Variants in LRP1B observed in about 807,000 individuals in gnomAD.
The protein encoded by LRP1B is low-density lipoprotein receptor-related protein 1B.
A neutral mutation model predicts 556.6 loss-of-function variants in LRP1B; 217 were observed. The observed-to-expected ratio is 0.39, with a 90% CI of 0.35 to 0.44. The LOEUF (loss-of-function observed/expected upper bound fraction) is 0.44, where lower values mean the gene tolerates loss of function less well. LRP1B is among the 20% of genes least tolerant of loss of function. LRP1B has a pLI of 1.00. For synonymous variants in LRP1B, 2,047 were observed against 1,865.8 expected, an observed-to-expected ratio of 1.10 and a Z score of -2.50; for missense variants, 5,053 against 5,620.8, an observed-to-expected ratio of 0.90 and a Z score of 3.23.
chr2:141,343,020 G>C (rs760528041), intron 3 of LRP1B, among the ~76,000 whole-genome samples: 1 of 152,074 alleles, frequency 6.6e-6, no homozygotes, highest in Non-Finnish European at 1.5e-5. Flanking sequence ...ACTAACAGAG[G>C]GTCTCTCTGC....
chr2:141,065,555 T>A (rs1574037585), intron 7 of LRP1B, among the ~76,000 whole-genome samples: 1 of 152,036 alleles, frequency 6.6e-6, no homozygotes, highest in East Asian at 1.9e-4. Flanking sequence ...TAGATAAGGG[T>A]TGTTTTGAAG....
intron 12 of LRP1B, among the ~76,000 whole-genome samples, chr2:141,016,684 A>G (rs1697909984): frequency 6.6e-6 from 1 of 152,064 alleles, no homozygotes; most frequent in Non-Finnish European, 1.5e-5. Context: ...CTAATGTTCC[A>G]TTTGCCTCAT....
intron 1 of LRP1B, among the ~76,000 whole-genome samples, chr2:142,090,238 T>C (rs527986768): frequency 7.0e-4 from 106 of 152,258 alleles, no homozygotes; most frequent in Non-Finnish European, 1.2e-3. Flanking sequence ...AACATAATTA[T>C]GAGGCTTGGT....
intron 3 of LRP1B, among the ~76,000 whole-genome samples, chr2:141,288,117 C>T (rs1685790762): frequency 1.3e-5 from 2 of 151,898 alleles, no homozygotes; most frequent in South Asian, 4.2e-4. Flanking sequence ...CTTATATTTG[C>T]CAGATATATT....
At chr2:140,515,523 A>C (rs1689857475) in intron 50 of LRP1B, among the ~76,000 whole-genome samples, 1 of 152,060 alleles carries the variant, frequency 6.6e-6, no homozygotes, top group South Asian at 2.1e-4. Flanking sequence ...AAATCCTTCT[A>C]AATTAAGGTG....
intron 2 of LRP1B, among the ~76,000 whole-genome samples, chr2:141,639,302 G>GTGTGTA (rs1689223237): frequency 3.0e-5 from 1 of 33,004 alleles, no homozygotes; most frequent in African/African-American, 7.9e-5. Flanking sequence ...CGCATCATGT[G>GTGTGTA]TGTATATATA....
chr2:140,689,622 AT>A (rs1484334535), intron 41 of LRP1B, among the ~76,000 whole-genome samples: 1 of 152,196 alleles, frequency 6.6e-6, no homozygotes, highest in Non-Finnish European at 1.5e-5. Context: ...GTGATCTAAT[AT>A]TGGGACGCTA....
intron 41 of LRP1B, among the ~76,000 whole-genome samples, chr2:140,671,992 A>G (rs1226693381): frequency 6.6e-6 from 1 of 152,190 alleles, no homozygotes; most frequent in Non-Finnish European, 1.5e-5. Context: ...AATCTCATAA[A>G]GTCAAAAGTC....
intron 43 of LRP1B, among the ~76,000 whole-genome samples, chr2:140,552,140 T>C (rs1000742230): frequency 2.6e-5 from 4 of 152,150 alleles, no homozygotes; most frequent in Admixed American, 1.3e-4. Flanking sequence ...TATGTGCTAT[T>C]TTTATAATTA....
chr2:142,124,631 C>A (rs1707574559), intron 1 of LRP1B, among the ~76,000 whole-genome samples: 1 of 150,260 alleles, frequency 6.7e-6, no homozygotes, highest in Non-Finnish European at 1.5e-5. Context: ...ATAGTAAATT[C>A]TCTTTGAGTA....
At chr2:142,022,467 C>T (rs1232951889) in intron 1 of LRP1B, among the ~76,000 whole-genome samples, 2 of 151,868 alleles carry the variant, frequency 1.3e-5, no homozygotes, top group Non-Finnish European at 1.5e-5. Flanking sequence ...ATGGCACATA[C>T]TGAAAAGAAC....
chr2:141,262,309 G>A (rs1401088025), intron 3 of LRP1B, among the ~76,000 whole-genome samples: 6 of 151,856 alleles, frequency 4.0e-5, no homozygotes, highest in South Asian at 4.2e-4. Flanking sequence ...ATGTGTGAGC[G>A]TGTATATGTA....
chr2:140,539,515 T>G (rs1410747425), intron 45 of LRP1B, among the ~76,000 whole-genome samples: 1 of 152,120 alleles, frequency 6.6e-6, no homozygotes, highest in Non-Finnish European at 1.5e-5. Context: ...TCATTTCCTC[T>G]CGTCAACAGA....
At chr2:140,565,237 A>G (rs911018273) in intron 43 of LRP1B, among the ~76,000 whole-genome samples, 1 of 97,776 alleles carries the variant, frequency 1.0e-5, no homozygotes, top group African/African-American at 3.5e-5. Context: ...TTACATGAAC[A>G]TTTAAAGATA....
chr2:141,370,219 T>G (rs191577566), intron 3 of LRP1B, among the ~76,000 whole-genome samples: 179 of 152,274 alleles, frequency 1.2e-3, no homozygotes, highest in Non-Finnish European at 2.4e-3. Context: ...TTGAGAAATC[T>G]CCAAACTGTT....
At chr2:141,046,701 T>C (rs886644290) in intron 11 of LRP1B, among the ~76,000 whole-genome samples, 5 of 152,104 alleles carry the variant, frequency 3.3e-5, no homozygotes, top group Non-Finnish European at 5.9e-5. Flanking sequence ...GTTAAGATTA[T>C]TAGCAGGAAC....
intron 2 of LRP1B, among the ~76,000 whole-genome samples, chr2:141,522,890 A>G (rs971500105): frequency 6.6e-6 from 1 of 152,206 alleles, no homozygotes; most frequent in Admixed American, 6.6e-5. Flanking sequence ...CCATCCAGCC[A>G]GAGAACCTCT....
intron 14 of LRP1B, among the ~76,000 whole-genome samples, chr2:141,007,255 A>G (rs1343048543): frequency 6.6e-6 from 1 of 151,784 alleles, no homozygotes; most frequent in Non-Finnish European, 1.5e-5. Context: ...TAAGAAAAAA[A>G]CTCTAAAATG....
At chr2:141,072,760 T>C (rs1310853991) in intron 7 of LRP1B, among the ~76,000 whole-genome samples, 1 of 152,120 alleles carries the variant, frequency 6.6e-6, no homozygotes, top group Admixed American at 6.6e-5. Context: ...TCCAGAAGGA[T>C]AGTCTTGCCT....
Sources: allele counts gnomAD v4.1 joint callset (sites outside exome capture counted in the v4.1 genomes callset), GRCh38; gene constraint gnomAD v4.1.1; transcripts MANE v1.5; gene names NCBI Gene and HGNC (gene_info 2026-07-23, HGNC 2026-07-21).